Variants in MACF1 observed in about 807,000 individuals in gnomAD.
The protein encoded by MACF1 is microtubule-actin cross-linking factor 1.
In MACF1, 193 loss-of-function variants were observed where a neutral mutation model predicts 854.8. That is an observed-to-expected ratio of 0.23 (90% confidence interval 0.20 to 0.25). MACF1 has a LOEUF of 0.25. Ranked by LOEUF, MACF1 falls within the 10% of genes least tolerant of loss-of-function variation. The probability of loss-of-function intolerance (pLI) is 1.00; values close to 1 mark genes in which losing one functional copy is unlikely to be tolerated. For synonymous variants in MACF1, 3,185 were observed against 3,226.7 expected, an observed-to-expected ratio of 0.99 and a Z score of 0.44; for missense variants, 7,722 against 8,929.1, an observed-to-expected ratio of 0.86 and a Z score of 5.45.
In MACF1 at chr1:39,437,897, A is replaced by C; in HGVS notation, c.18109A>C (p.Ser6037Arg). 6.2e-7 allele frequency: 1 copy of C among 1,614,150 alleles called. No individual in the cohort carries two copies. Among genetic ancestry groups the C allele is most frequent in the South Asian group, 1.1e-5 (1 of 91,080 alleles). Residue 6037 changes from serine to arginine, a missense_variant, in exon 71 of 101, where the codon AGT (serine) becomes CGT (arginine). Physicochemically the swap from Ser to Arg is moderately radical, Grantham distance 110. This residue lies in a region of MACF1 where 2,807 missense variants were observed against 3,235.8 expected (regional missense o/e 0.87). Transcript: ENST00000564288. ...CAGAGAGTGCATCAGTGACAATAAGAGTGCCACCGTGGAGCTAGAAAAACT... is the reference window on the plus strand; with the variant it reads ...CAGAGAGTGCATCAGTGACAATAAGCGTGCCACCGTGGAGCTAGAAAAACT... ...KIRECISDNKSATVELEKLQP... is the reference protein window; with the variant it reads ...KIRECISDNKRATVELEKLQP...
chr1:39,341,549 T>A (rs1018331437), intron 40 of MACF1, among the ~76,000 whole-genome samples: 1 of 151,240 alleles, frequency 6.6e-6, no homozygotes, highest in African/African-American at 2.4e-5. Flanking sequence ...TACAAAAAAA[T>A]TAGCCGGGCG....
chr1:39,331,757 A>G lies in MACF1; in HGVS notation c.5169A>G (p.Ser1723=). The change falls in exon 37 of 101, where the codon TCA becomes TCG. Residue 1723 remains serine (S), a synonymous_variant. Transcript: ENST00000564288. ...AGCGATGTATTGTCCACCAGGAATC[A>G]GGATTCAAATTACTGCCTGTCAAAC... The part of the protein sequence containing the change: ...LMQRCIVHQE[S]GFKLLPVKQL... The G allele has an allele frequency of 1.2e-6, 2 of 1,614,212 alleles. No homozygotes were observed. The highest frequency in any genetic ancestry group is 1.7e-6 in the Non-Finnish European group (2 of 1,180,044).
At chr1:39,434,386 CTTTTTTT>C (rs71798934) in intron 68 of MACF1, 21 bp from the exon 69 acceptor site, 29 of 986,998 alleles carry the variant, frequency 2.9e-5, no homozygotes, top group African/African-American at 5.5e-5. Flanking sequence ...AATACTTATC[CTTTTTTT>C]TTTTTTTTTT....
chr1:39,190,009 C>G (rs1325377871), intron 2 of MACF1, among the ~76,000 whole-genome samples: 2 of 152,100 alleles, frequency 1.3e-5, no homozygotes, highest in Non-Finnish European at 2.9e-5. Context: ...AATGAGTAAA[C>G]AGATCCAGTG....
chr1:39,286,075 A>G (rs2148387374), intron 14 of MACF1, among the ~76,000 whole-genome samples: 1 of 152,240 alleles, frequency 6.6e-6, no homozygotes, highest in South Asian at 2.1e-4. Flanking sequence ...GTGCAGTGGC[A>G]CAATCATGGC....
intron 2 of MACF1, among the ~76,000 whole-genome samples, chr1:39,102,193 A>G (rs12402291): frequency 1.5e-4 from 22 of 148,196 alleles, no homozygotes; most frequent in East Asian, 1.2e-3. Flanking sequence ...AAGAAAAAGA[A>G]AGAGAGAGAG....
intron 87 of MACF1, among the ~76,000 whole-genome samples, chr1:39,453,127 C>T (rs572990651): frequency 1.3e-5 from 2 of 152,230 alleles, no homozygotes; most frequent in East Asian, 3.9e-4. Context: ...CCTTTGTTTG[C>T]CTTATGTTAC....
At chr1:39,111,121 G>A (rs1308225228) in intron 2 of MACF1, among the ~76,000 whole-genome samples, 3 of 152,174 alleles carry the variant, frequency 2.0e-5, no homozygotes, top group Admixed American at 6.5e-5. Context: ...TTTGATTGGA[G>A]TTGAAGCCTC....
intron 66 of MACF1, among the ~76,000 whole-genome samples, chr1:39,431,831 G>A (rs539532619): frequency 3.3e-5 from 5 of 152,132 alleles, no homozygotes; most frequent in South Asian, 4.1e-4. Flanking sequence ...AAAATTAGCC[G>A]ATCATGGTGG....
chr1:39,276,493 A>G (rs1338682592), intron 6 of MACF1, among the ~76,000 whole-genome samples: 6 of 152,114 alleles, frequency 3.9e-5, no homozygotes, highest in Admixed American at 1.3e-4. Context: ...AAACCTTCTC[A>G]TTTTAACAGA....
chr1:39,321,965 G>GGCTA (rs2148453891), intron 31 of MACF1, among the ~76,000 whole-genome samples: 1 of 152,298 alleles, frequency 6.6e-6, no homozygotes, highest in South Asian at 2.1e-4. Context: ...GTACCTAAGA[G>GGCTA]GCTACCGCAC....
intron 67 of MACF1, 88 bp from the exon 68 acceptor site, chr1:39,432,960 T>C (rs938714221): frequency 6.3e-6 from 5 of 798,378 alleles, no homozygotes; most frequent in South Asian, 2.0e-5. Flanking sequence ...CAATTTTTGA[T>C]GTGGCTTTTT....
intron 47 of MACF1, among the ~76,000 whole-genome samples, 184 bp downstream of exon 47, chr1:39,359,448 A>C (rs1200413026): frequency 6.6e-6 from 1 of 152,212 alleles, no homozygotes; most frequent in African/African-American, 2.4e-5. Context: ...TTCTTGCACC[A>C]TTGAAGGACC....
rs368942516 is a variant in MACF1, at chr1:39,297,128, A to G, written c.2356-492A>G. On this transcript the variant is annotated intron_variant, in intron 20 of 100. Coordinates refer to ENST00000564288, the MANE Select transcript of MACF1 (RefSeq NM_001394062.1). ...TTTTTAGTAGAGACGGGGTTTCACC[A>G]TGTTAGCCAAGAAGGTCTCGATCTC... Among the ~76,000 whole-genome samples, 29 of 152,120 alleles carry G rather than the reference A, an allele frequency of 1.9e-4. 1 individual carries two copies. The highest frequency in any genetic ancestry group is 1.4e-3 in the East Asian group (7 of 5,142).
intron 58 of MACF1, among the ~76,000 whole-genome samples, chr1:39,419,663 T>C (rs748062688): frequency 2.0e-5 from 3 of 152,172 alleles, no homozygotes; most frequent in Non-Finnish European, 2.9e-5. Flanking sequence ...ATGGAGTTTC[T>C]CTCTTGTTGC....
At position 39,198,730 on chromosome 1, in the gene MACF1, CAGG is replaced by C. The variant is rs894601432; in HGVS notation, c.221-32449_221-32447del. 1.3e-4 allele frequency among the ~76,000 whole-genome samples: 20 copies of C among 151,214 alleles called. No individual in the cohort carries two copies. The South Asian group carries it at 1.5e-3, about 11-fold the overall frequency. On this transcript the variant is annotated intron_variant, in intron 2 of 93. Coordinates refer to the MACF1 transcript ENST00000361689. ...GTCACAGCTACTGGGGAGGCTGAGG[CAGG>C]AGAATTGCTTGAACCCAGGAGATAG...
At chr1:39,453,944 C>G in intron 88 of MACF1, 94 bp downstream of exon 88, 1 of 1,428,672 alleles carries the variant, frequency 7.0e-7, no homozygotes, top group Non-Finnish European at 9.6e-7. Flanking sequence ...GAATCTTTCA[C>G]TCACTGTGAA....
chr1:39,485,481 T>C (rs1645088920), intron 100 of MACF1, 57 bp from the exon 101 acceptor site: 11 of 1,508,130 alleles, frequency 7.3e-6, no homozygotes, highest in Non-Finnish European at 9.8e-6. Context: ...TCTGCTCACT[T>C]GTTCTTCCAC....
chr1:39,391,990 G>T (rs1472242980), intron 58 of MACF1, among the ~76,000 whole-genome samples: 4 of 152,186 alleles, frequency 2.6e-5, no homozygotes, highest in Admixed American at 6.5e-5. Flanking sequence ...AAGGGAGAAG[G>T]GTGGTGGAGT....
Sources: allele counts gnomAD v4.1 joint callset (sites outside exome capture counted in the v4.1 genomes callset), GRCh38; gene constraint gnomAD v4.1.1; regional missense constraint gnomAD v4.1.1; transcripts MANE v1.5; gene names NCBI Gene and HGNC (gene_info 2026-07-23, HGNC 2026-07-21).